NTM: variants seen among roughly 807,000 people sequenced by gnomAD.
NTM encodes the protein neurotrimin, also known as IgLON family member 2.
In NTM, 13 loss-of-function variants were observed where a neutral mutation model predicts 42.1. The observed-to-expected ratio is 0.31, with a 90% CI of 0.20 to 0.49. NTM has a LOEUF of 0.49. NTM is among the 20% of genes least tolerant of loss of function. The pLI, the probability that NTM is intolerant of heterozygous loss-of-function variation, is 0.99. For synonymous variants in NTM, 187 were observed against 179.2 expected, an observed-to-expected ratio of 1.04 and a Z score of -0.35; for missense variants, 373 against 452.8, an observed-to-expected ratio of 0.82 and a Z score of 1.60.
intron 4 of NTM, among the ~76,000 whole-genome samples, chr11:132,285,265 C>A (rs1190847556): frequency 6.6e-6 from 1 of 152,214 alleles, no homozygotes; most frequent in Non-Finnish European, 1.5e-5. Flanking sequence ...GCCATCCTAC[C>A]TGGTTCTCAT....
chr11:131,677,348 C>T (rs77551928), intron 1 of NTM, among the ~76,000 whole-genome samples: 5,790 of 152,258 alleles, frequency 0.038, 361 homozygotes, highest in African/African-American at 0.13. Context: ...TGGCATATTA[C>T]AGGTAGAAGT....
chr11:131,773,445 A>G (rs1249589766), intron 1 of NTM, among the ~76,000 whole-genome samples: 1 of 152,220 alleles, frequency 6.6e-6, no homozygotes, highest in Non-Finnish European at 1.5e-5. Context: ...TTAAGACAAC[A>G]GTTTTAAAAT....
At chr11:131,523,367 C>T in intron 1 of NTM, among the ~76,000 whole-genome samples, 1 of 152,142 alleles carries the variant, frequency 6.6e-6, no homozygotes. Context: ...TCAAAAATAA[C>T]AGCTAAACTT....
chr11:132,189,851 G>C (rs1305818732), intron 3 of NTM, among the ~76,000 whole-genome samples: 1 of 152,190 alleles, frequency 6.6e-6, no homozygotes, highest in African/African-American at 2.4e-5. Context: ...CGTTTGTGGT[G>C]CTCCTACTAT....
rs145221814 is a variant in NTM at position 132,050,709 on chromosome 11, A to G, written c.168-95573A>G. 1.1e-3 allele frequency among the ~76,000 whole-genome samples: 173 copies of G among 152,284 alleles called. 1 individual carries two copies. The highest frequency in any genetic ancestry group is 3.9e-3 in the African/African-American group (164 of 41,550). On this transcript the variant is annotated intron_variant, in intron 2 of 8. Transcript: ENST00000683400. ...CAGCTAGGGAAGGGCAAGATAGAGA[A>G]CTGCCTGTGAGCAAAAGGTGCCCAG...
intron 1 of NTM, among the ~76,000 whole-genome samples, chr11:131,452,264 C>T (rs1185659883): frequency 1.3e-5 from 2 of 152,256 alleles, no homozygotes; most frequent in Non-Finnish European, 1.5e-5. Context: ...CCCGTGGCCT[C>T]CCGGCTGCAG....
intron 1 of NTM, among the ~76,000 whole-genome samples, chr11:131,798,510 T>C (rs2091823617): frequency 6.6e-6 from 1 of 152,194 alleles, no homozygotes; most frequent in Non-Finnish European, 1.5e-5. Context: ...CACCTATCTA[T>C]CTAACAAATA....
chr11:131,981,818 GTGGTCAACA>G (rs1420724189), intron 2 of NTM, among the ~76,000 whole-genome samples: 1 of 151,980 alleles, frequency 6.6e-6, no homozygotes, highest in Admixed American at 6.6e-5. Context: ...CAAGACCAGC[GTGGTCAACA>G]TGGCGAAACC....
intron 1 of NTM, among the ~76,000 whole-genome samples, chr11:131,475,390 A>AC (rs1952823028): frequency 6.6e-6 from 1 of 152,002 alleles, no homozygotes; most frequent in Non-Finnish European, 1.5e-5. Flanking sequence ...AATCCCCTAA[A>AC]CCTTTGTGAG....
At chr11:131,584,760 C>T (rs1476054175) in intron 1 of NTM, among the ~76,000 whole-genome samples, 1 of 152,228 alleles carries the variant, frequency 6.6e-6, no homozygotes, top group Non-Finnish European at 1.5e-5. Flanking sequence ...ACTCTTTGCC[C>T]TTCAGTGCCC....
chr11:131,856,357 A>C (rs1180774102), intron 1 of NTM, among the ~76,000 whole-genome samples: 2 of 152,022 alleles, frequency 1.3e-5, no homozygotes, highest in Non-Finnish European at 2.9e-5. Context: ...ATCTAATCTA[A>C]GAGTCTCCAA....
At chr11:131,797,725 G>A (rs1385344550) in intron 1 of NTM, among the ~76,000 whole-genome samples, 2 of 152,088 alleles carry the variant, frequency 1.3e-5, no homozygotes, top group Non-Finnish European at 2.9e-5. Context: ...ATATTTGCTA[G>A]AAAATAACAA....
intron 1 of NTM, among the ~76,000 whole-genome samples, chr11:131,831,601 A>G (rs1366512235): frequency 1.3e-5 from 2 of 152,036 alleles, no homozygotes; most frequent in East Asian, 3.9e-4. Context: ...ACTGCTTAAA[A>G]CTTCCCAGTC....
intron 1 of NTM, among the ~76,000 whole-genome samples, chr11:131,804,104 T>G (rs999187800): frequency 6.6e-6 from 1 of 152,186 alleles, no homozygotes; most frequent in African/African-American, 2.4e-5. Flanking sequence ...TACCACTCCT[T>G]TTCATCTCCA....
At chr11:131,700,605 T>C (rs2075974751) in intron 1 of NTM, among the ~76,000 whole-genome samples, 1 of 152,228 alleles carries the variant, frequency 6.6e-6, no homozygotes, top group Admixed American at 6.5e-5. Flanking sequence ...ATTAATCCAT[T>C]TAATCCTTAC....
At chr11:131,414,233 G>A (rs1393574214) in intron 1 of NTM, among the ~76,000 whole-genome samples, 4 of 152,170 alleles carry the variant, frequency 2.6e-5, no homozygotes, top group Non-Finnish European at 4.4e-5. Flanking sequence ...ACCAATTCTG[G>A]GAGATGAAGC....
At chr11:132,322,210 T>G (rs1218503361) in intron 7 of NTM, among the ~76,000 whole-genome samples, 1 of 152,060 alleles carries the variant, frequency 6.6e-6, no homozygotes, top group East Asian at 1.9e-4. Context: ...GACTAAATGC[T>G]ACAATTAAAA....
At chr11:132,333,071 C>G (rs1221122356) in intron 8 of NTM, among the ~76,000 whole-genome samples, 1 of 152,128 alleles carries the variant, frequency 6.6e-6, no homozygotes, top group East Asian at 1.9e-4. Context: ...CAGCTGTGTC[C>G]CCTGCCGGGA....
At chr11:131,448,120 C>T (rs60965189) in intron 1 of NTM, among the ~76,000 whole-genome samples, 2,323 of 152,292 alleles carry the variant, frequency 0.015, 61 homozygotes, top group African/African-American at 0.053. Context: ...GTGGTAGCCC[C>T]GGGTGAGTGC....
Sources: gnomAD v4.1 joint callset for allele counts (sites outside exome capture counted in the v4.1 genomes callset) on GRCh38, gnomAD v4.1.1 for gene constraint, MANE v1.5 for transcripts, NCBI Gene and HGNC (gene_info 2026-07-23, HGNC 2026-07-21) for gene names.